Variants in SLC18A1 observed in about 807,000 individuals in gnomAD.
The protein encoded by SLC18A1 is chromaffin granule amine transporter.
SLC18A1 carries 69 observed loss-of-function variants against 53.7 expected under a neutral mutation model. That is an observed-to-expected ratio of 1.28 (90% CI 1.06 to 1.57). SLC18A1 has a LOEUF of 1.57. SLC18A1 is among the 40% of genes most tolerant of loss of function. The pLI, the probability that SLC18A1 is intolerant of heterozygous loss-of-function variation, is 0.00. For synonymous variants in SLC18A1, 320 were observed against 248.1 expected (o/e 1.29, Z -2.72); for missense variants, 932 against 668.1 (o/e 1.40, Z -4.35).
intron 10 of SLC18A1, among the ~76,000 whole-genome samples, chr8:20,151,204 G>A (rs1278912537): frequency 4.8e-5 from 7 of 146,964 alleles, no homozygotes; most frequent in African/African-American, 1.8e-4. Flanking sequence ...GTCTCGTCAT[G>A]TTGCCCAGGC....
rs772765643 is a variant in SLC18A1 at position 20,148,035 on chromosome 8, G to A, written c.1182C>T (p.Gly394=). Residue 394 remains glycine (G), a synonymous_variant, in exon 13 of 16, where the codon GGC becomes GGT. Coordinates refer to ENST00000276373, the MANE Select transcript of SLC18A1 (RefSeq NM_003053.4). Reference sequence around the variant, plus strand: ...TGGCAAGGCCAAGCCCTGCATTGGGGCCAATGAGACCAAAAATATTGTGAG... The same window carrying A: ...TGGCAAGGCCAAGCCCTGCATTGGGACCAATGAGACCAAAAATATTGTGAG... ...PLAHNIFGLI[G]PNAGLGLAIG... 4.0e-5 allele frequency: 65 copies of A among 1,613,980 alleles called. No homozygotes were observed. The highest frequency in any genetic ancestry group is 3.9e-5 in the Non-Finnish European group (46 of 1,180,014).
intron 3 of SLC18A1, among the ~76,000 whole-genome samples, chr8:20,178,908 C>G (rs2072327851): frequency 6.6e-6 from 1 of 152,182 alleles, no homozygotes; most frequent in Non-Finnish European, 1.5e-5. Context: ...CTTCTTGGTA[C>G]TCAATACTCA....
chr8:20,147,790 C>G (rs961286259), intron 13 of SLC18A1, 68 bp from the exon 14 acceptor site: 49 of 1,581,062 alleles, frequency 3.1e-5, no homozygotes, highest in Non-Finnish European at 4.1e-5. Flanking sequence ...CTCTCCTCCT[C>G]CATTTAGTCC....
At chr8:20,177,880 G>A (rs944202500) in intron 4 of SLC18A1, among the ~76,000 whole-genome samples, 1 of 152,108 alleles carries the variant, frequency 6.6e-6, no homozygotes, top group Non-Finnish European at 1.5e-5. Context: ...ACATTTAGCT[G>A]ATCCTGGATA....
chr8:20,167,901 G>A (rs543906894), intron 8 of SLC18A1, among the ~76,000 whole-genome samples: 15 of 151,946 alleles, frequency 9.9e-5, no homozygotes, highest in Non-Finnish European at 2.1e-4. Flanking sequence ...GATTACAGGC[G>A]TGAACCACCG....
chr8:20,166,321 A>ATATATG lies in SLC18A1; in HGVS notation c.859-1215_859-1214insCATATA, dbSNP rs1554537700. ...TATATATATATATATATATATATAT[A>ATATATG]TATATATATACACCACCAGGTGGAA... On this transcript the variant is annotated intron_variant, in intron 8 of 15. Transcript: ENST00000276373. Among the ~76,000 whole-genome samples the ATATATG allele has an allele frequency of 1.3e-3, 129 of 97,102 alleles. 1 individual carries two copies. The highest frequency in any genetic ancestry group is 4.1e-3 in the Admixed American group (40 of 9,868). The allele number at this position is 97,102 out of a possible 152,430, so 63.7% of individuals were successfully genotyped here.
chr8:20,151,154 T>G (rs202212764), intron 10 of SLC18A1, among the ~76,000 whole-genome samples: 6,944 of 147,496 alleles, frequency 0.047, 233 homozygotes, highest in Middle Eastern at 0.091. Flanking sequence ...TTTGTTTTTT[T>G]TTTGTTTGTT....
intron 1 of SLC18A1, among the ~76,000 whole-genome samples, chr8:20,182,464 C>T (rs911287878): frequency 6.6e-6 from 1 of 152,102 alleles, no homozygotes; most frequent in African/African-American, 2.4e-5. Context: ...TATATGGGCA[C>T]ATTTTTGAGA....
intron 10 of SLC18A1, among the ~76,000 whole-genome samples, chr8:20,156,241 C>G (rs1357153614): frequency 7.3e-6 from 1 of 136,678 alleles, no homozygotes. Context: ...CTCACCAGTT[C>G]AGAACTATCC....
At chr8:20,156,286 C>G (rs1172557960) in intron 10 of SLC18A1, among the ~76,000 whole-genome samples, 1 of 149,056 alleles carries the variant, frequency 6.7e-6, no homozygotes, top group Non-Finnish European at 1.5e-5. Context: ...AGCTTACTAA[C>G]TCAAAAATCT....
At chr8:20,158,542 C>T (rs2071738425) in intron 10 of SLC18A1, among the ~76,000 whole-genome samples, 1 of 152,092 alleles carries the variant, frequency 6.6e-6, no homozygotes, top group African/African-American at 2.4e-5. Flanking sequence ...GATTCCACCT[C>T]CTTTCCCTAC....
chr8:20,154,042 G>C (rs1585195398), intron 10 of SLC18A1, among the ~76,000 whole-genome samples: 2 of 152,270 alleles, frequency 1.3e-5, no homozygotes, highest in Admixed American at 1.3e-4. Context: ...GTTCACACAA[G>C]AGCTGGTTGT....
intron 8 of SLC18A1, among the ~76,000 whole-genome samples, chr8:20,166,152 A>G (rs1181948510): frequency 6.6e-6 from 1 of 151,818 alleles, no homozygotes; most frequent in African/African-American, 2.4e-5. Context: ...CAACATTATA[A>G]ACATGCAGTC....
chr8:20,170,224 T>C (rs1187481409), intron 8 of SLC18A1, among the ~76,000 whole-genome samples: 4 of 149,150 alleles, frequency 2.7e-5, no homozygotes, highest in Non-Finnish European at 4.5e-5. Flanking sequence ...TCTGGGGGAA[T>C]TGGCACTCTA....
At chr8:20,166,365 T>C (rs887983626) in intron 8 of SLC18A1, among the ~76,000 whole-genome samples, 2 of 142,668 alleles carry the variant, frequency 1.4e-5, no homozygotes, top group Non-Finnish European at 3.0e-5. Flanking sequence ...GGAAAGATTC[T>C]GTGAACTAGT....
chr8:20,147,914 C>T (rs2071443351), intron 13 of SLC18A1, 93 bp downstream of exon 13: 3 of 1,483,308 alleles, frequency 2.0e-6, no homozygotes, highest in Non-Finnish European at 1.9e-6. Context: ...TGCCTCTGCA[C>T]CTACCTCCTC....
At chr8:20,149,300 G>T (rs1186664767) in intron 12 of SLC18A1, among the ~76,000 whole-genome samples, 1 of 152,048 alleles carries the variant, frequency 6.6e-6, no homozygotes, top group Non-Finnish European at 1.5e-5. Context: ...AGTAAATGAA[G>T]TCATAAAACG....
chr8:20,160,854 A>C (rs1415254466), intron 10 of SLC18A1, among the ~76,000 whole-genome samples: 2 of 152,152 alleles, frequency 1.3e-5, no homozygotes, highest in Non-Finnish European at 2.9e-5. Context: ...ATACAGCCGA[A>C]GGGTATCACA....
rs747057207 is a variant in SLC18A1, at chr8:20,147,656, T to C, written c.1277A>G (p.Tyr426Cys). The change falls in exon 14 of 16, where the codon TAT becomes TGT. Residue 426 changes from tyrosine to cysteine, a missense_variant. Physicochemically the swap from Tyr to Cys is radical, Grantham distance 194 (BLOSUM62 -2). Transcript: ENST00000276373. ...ATCAGCGATGGCGTAGACACTCCCATACACCGAGGTGTGGCGTAGATCCAC... is the reference window on the plus strand; with the variant it reads ...ATCAGCGATGGCGTAGACACTCCCACACACCGAGGTGTGGCGTAGATCCAC... The part of the protein sequence containing the change: ...HLVDLRHTSV[Y>C]GSVYAIADVA... 6.2e-7 allele frequency: 1 copy of C among 1,614,052 alleles called. No homozygotes were observed. The highest frequency in any genetic ancestry group is 1.1e-5 in the South Asian group (1 of 91,048).
Sources: gnomAD v4.1 joint callset for allele counts (sites outside exome capture counted in the v4.1 genomes callset) on GRCh38, gnomAD v4.1.1 for gene constraint, MANE v1.5 for transcripts, NCBI Gene and HGNC (gene_info 2026-07-23, HGNC 2026-07-21) for gene names.